Variants in EFNA2 observed in about 807,000 individuals in gnomAD.
The protein encoded by EFNA2 is ephrin-A2.
EFNA2 carries 18 observed loss-of-function variants against 19.7 expected under a neutral mutation model. That is an observed-to-expected ratio of 0.91 (90% CI 0.63 to 1.35). EFNA2 has a LOEUF of 1.35. Among genes scored for constraint, EFNA2 ranks in the 40% most tolerant of loss-of-function variants. EFNA2 has a pLI of 0.00. For synonymous variants in EFNA2, 187 were observed against 137.8 expected, an observed-to-expected ratio of 1.36 and a Z score of -2.50; for missense variants, 303 against 296.0, an observed-to-expected ratio of 1.02 and a Z score of -0.17.
chr19:1,299,915 C>T lies in EFNA2; in HGVS notation c.612C>T (p.Ile204=), dbSNP rs1357279882. 2.5e-6 allele frequency: 4 copies of T among 1,604,748 alleles called. No homozygotes were observed. Among genetic ancestry groups the T allele is most frequent in the Non-Finnish European group, 3.4e-6 (4 of 1,179,044 alleles). The change falls in exon 4 of 4, where the codon ATC becomes ATT. Residue 204 remains isoleucine (I), a synonymous_variant. Transcript: ENST00000215368. ...GCTGCCGCCTCTTCCTCAGCACCAT[C>T]CCCGTGCTCTGGACCCTCCTGGGTT... is the stretch of plus-strand genomic sequence containing the variant. ...PGGCRLFLST[I]PVLWTLLGS
At position 1,300,528 on chromosome 19, in the gene EFNA2, G is replaced by A. The variant is rs1464669268; in HGVS notation, c.*583G>A. Among the ~76,000 whole-genome samples, 1 of 151,514 alleles carries A rather than the reference G, an allele frequency of 6.6e-6. No individual in the cohort carries two copies. Among genetic ancestry groups the A allele is most frequent in the Non-Finnish European group, 1.5e-5 (1 of 67,770 alleles). On this transcript the variant is annotated 3_prime_UTR_variant, in exon 4 of 4. Transcript: ENST00000215368. ...TCTGCTCTGCACCCCACTCGTGGGG[G>A]AACACAGCCGCTCCCCTCTGCTCTG...
At chr19:1,298,053 CAA>C (rs67407355) in intron 2 of EFNA2, among the ~76,000 whole-genome samples, 13,069 of 104,406 alleles carry the variant, frequency 0.13, 732 homozygotes, top group Middle Eastern at 0.32. Flanking sequence ...GCCTGGGCGA[CAA>C]GAGCAAAGCT....
rs1339589262 is a variant in EFNA2, at chr19:1,295,240, G to A, written c.141-305G>A. On this transcript the variant is annotated intron_variant, in intron 1 of 3. Transcript: ENST00000215368. This position sits in a 1 kb window ranked among gnomAD's most constrained non-coding sequence, Gnocchi z 5.8. ...TGACCCCTCCCCCATTCCCCGGCCT[G>A]ACTTCCCCGTGCACCTGTCCCCTGA... Among the ~76,000 whole-genome samples, 1 of 151,816 alleles carries A rather than the reference G, an allele frequency of 6.6e-6. No individual in the cohort carries two copies. The highest frequency in any genetic ancestry group is 2.4e-5 in the African/African-American group (1 of 41,266).
intron 1 of EFNA2, among the ~76,000 whole-genome samples, chr19:1,291,007 T>C (rs1043604913): frequency 3.2e-4 from 49 of 152,180 alleles, no homozygotes; most frequent in African/African-American, 1.2e-3. Context: ...CTTGTCCACC[T>C]GCCCTGTGGG....
chr19:1,298,677 A>G (rs1788938658), intron 3 of EFNA2, 61 bp downstream of exon 3: 16 of 1,580,902 alleles, frequency 1.0e-5, no homozygotes, highest in Admixed American at 8.6e-5. Flanking sequence ...AAACCCACAG[A>G]ACCAGTGAGT....
rs979132301 is a variant in EFNA2 at position 1,286,613 on chromosome 19, A to T, written c.140+305A>T. Among the ~76,000 whole-genome samples the T allele has an allele frequency of 6.6e-6, 1 of 152,032 alleles. No homozygotes were observed. The highest frequency in any genetic ancestry group is 1.5e-5 in the Non-Finnish European group (1 of 67,968). On this transcript the variant is annotated intron_variant, in intron 1 of 3. Coordinates refer to ENST00000215368, the MANE Select transcript of EFNA2 (RefSeq NM_001405.4). The surrounding 1 kb of genome is among the most constrained non-coding windows in gnomAD (Gnocchi z 5.6). Reference sequence around the variant, plus strand: ...TGGGGAACCCCTCTGGTACCCTCCGATGCCGGGTAGCCCCTGAGTTGCCTG... The same window carrying T: ...TGGGGAACCCCTCTGGTACCCTCCGTTGCCGGGTAGCCCCTGAGTTGCCTG...
rs1335204985 is a variant in EFNA2 at position 1,287,290 on chromosome 19, G to T, written c.140+982G>T. On this transcript the variant is annotated intron_variant, in intron 1 of 3. Transcript: ENST00000215368. The surrounding 1 kb of genome is among the most constrained non-coding windows in gnomAD (Gnocchi z 6.2). ...TCCCGTGGGAGCCGGGGCTTTGGGG[G>T]TCCTGGGGCTCGGGAGGGAGTCAGC... 2.6e-5 allele frequency among the ~76,000 whole-genome samples: 4 copies of T among 152,198 alleles called. No individual in the cohort carries two copies. Among genetic ancestry groups the T allele is most frequent in the Admixed American group, 6.5e-5 (1 of 15,284 alleles).
intron 1 of EFNA2, among the ~76,000 whole-genome samples, chr19:1,289,832 C>T (rs554416803): frequency 2.6e-5 from 4 of 152,200 alleles, no homozygotes; most frequent in African/African-American, 9.6e-5. Flanking sequence ...CCCGTGGCTC[C>T]GCTGGCGTCC....
In EFNA2 at chr19:1,296,093, G is replaced by T. The variant is rs1337924530; in HGVS notation, c.454+235G>T. Among the ~76,000 whole-genome samples, 5 of 152,316 alleles carry T rather than the reference G, an allele frequency of 3.3e-5. No individual in the cohort carries two copies. The South Asian group carries it at 1.0e-3, about 32-fold the overall frequency. On this transcript the variant is annotated intron_variant, in intron 2 of 3. Transcript: ENST00000215368. This position sits in a 1 kb window ranked among gnomAD's most constrained non-coding sequence, Gnocchi z 4.4. ...CCGGTGCTGGCCACTGACCCACCCC[G>T]GTCACTGACCCCCTCCAGATGTCAA...
At chr19:1,298,447 T>C in intron 2 of EFNA2, 104 bp from the exon 3 acceptor site, 1 of 1,172,920 alleles carries the variant, frequency 8.5e-7, no homozygotes, top group Admixed American at 2.0e-5. Context: ...GCTCTCCACC[T>C]GGGGTCAGGG....
intron 1 of EFNA2, among the ~76,000 whole-genome samples, chr19:1,289,577 T>C (rs1377077228): frequency 6.6e-6 from 1 of 151,990 alleles, no homozygotes; most frequent in African/African-American, 2.4e-5. Context: ...TCCCCGGGAG[T>C]CCCCACCTTC....
intron 1 of EFNA2, among the ~76,000 whole-genome samples, chr19:1,293,253 TTGGGC>T (rs2081499460): frequency 6.6e-6 from 1 of 152,210 alleles, no homozygotes; most frequent in Non-Finnish European, 1.5e-5. Context: ...GGGCTTTCAC[TTGGGC>T]TGGGCAGGAA....
chr19:1,301,276 G>T lies in EFNA2; in HGVS notation c.*1331G>T, dbSNP rs1372780276. Among the ~76,000 whole-genome samples the T allele has an allele frequency of 1.4e-5, 2 of 147,622 alleles. No individual in the cohort carries two copies. Among genetic ancestry groups the T allele is most frequent in the African/African-American group, 5.0e-5 (2 of 40,192 alleles). ...GCCGCCGGCCGGCGGCTCGAGGCAC[G>T]CCCGGTGGTGGGGGGTGGGCAGAGG... is the stretch of plus-strand genomic sequence containing the variant. On this transcript the variant is annotated 3_prime_UTR_variant, in exon 4 of 4. Coordinates refer to ENST00000215368, the MANE Select transcript of EFNA2 (RefSeq NM_001405.4).
chr19:1,294,726 A>G lies in EFNA2; in HGVS notation c.141-819A>G, dbSNP rs969299101. ...TGAGAGGAGGGTGGAGGGATTCTTC[A>G]CGCCAAGCTCCGTTCTCTTTGGGGA... On this transcript the variant is annotated intron_variant, in intron 1 of 3. Coordinates refer to ENST00000215368, the MANE Select transcript of EFNA2 (RefSeq NM_001405.4). This position sits in a 1 kb window ranked among gnomAD's most constrained non-coding sequence, Gnocchi z 5.8. Among the ~76,000 whole-genome samples, 8 of 151,648 alleles carry G rather than the reference A, an allele frequency of 5.3e-5. No homozygotes were observed. Among genetic ancestry groups the G allele is most frequent in the African/African-American group, 1.9e-4 (8 of 41,222 alleles).
Position 1,295,723 on chromosome 19 carries a change from C to G in EFNA2, c.319C>G (p.Arg107Gly), listed in dbSNP as rs774914157. The G allele has an allele frequency of 2.5e-6, 4 of 1,608,594 alleles. No individual in the cohort carries two copies. The Admixed American group carries it at 6.7e-5, about 27-fold the overall frequency. The part of the protein sequence containing the change: ...EGHASCDHRQ[R>G]GFKRWECNRP... ...CCACGCCTCCTGCGACCACCGCCAG[C>G]GCGGCTTCAAGCGCTGGGAGTGCAA... Residue 107 changes from arginine to glycine, a missense_variant, in exon 2 of 4, where the codon CGC (arginine) becomes GGC (glycine). By Grantham distance (125) the Arg-to-Gly change is moderately radical. Transcript: ENST00000215368. This position sits in a 1 kb window ranked among gnomAD's most constrained non-coding sequence, Gnocchi z 5.8.
In EFNA2 at chr19:1,286,402, C is replaced by A. The variant is rs954890882; in HGVS notation, c.140+94C>A. The A allele has an allele frequency of 3.6e-5, 18 of 506,332 alleles. No homozygotes were observed. Among genetic ancestry groups the A allele is most frequent in the Admixed American group, 6.5e-5 (1 of 15,346 alleles). 31.4% of individuals were successfully genotyped at this position (506,332 alleles called of 1,614,324 possible). ...CGCCCCCGGAGCTCCGGGCGCCCCC[C>A]ACGCGCGCGCCGCCGCCGGGATGCG... On this transcript the variant is annotated intron_variant, in intron 1 of 3. Coordinates refer to ENST00000215368, the MANE Select transcript of EFNA2 (RefSeq NM_001405.4). This position sits in a 1 kb window ranked among gnomAD's most constrained non-coding sequence, Gnocchi z 5.6.
In EFNA2 at chr19:1,286,071, T is replaced by TCCGC. The variant is rs933277076; in HGVS notation, c.-89_-86dup. The TCCGC allele has an allele frequency of 7.7e-4, 217 of 283,584 alleles. No individual in the cohort carries two copies. The highest frequency in any genetic ancestry group is 8.8e-4 in the Admixed American group (13 of 14,736). 17.6% of individuals were successfully genotyped at this position (283,584 alleles called of 1,614,324 possible). On this transcript the variant is annotated 5_prime_UTR_variant, in exon 1 of 4. Transcript: ENST00000215368. This position sits in a 1 kb window ranked among gnomAD's most constrained non-coding sequence, Gnocchi z 5.6. ...CGCCGCGCCCTCCTCCCGCCCGCCC[T>TCCGC]CCGCCCGCCCGCTCGGCGGCGGCGG... is the stretch of plus-strand genomic sequence containing the variant.
In EFNA2 at chr19:1,286,221, TGCC is replaced by T. The variant is rs1260388011; in HGVS notation, c.63_65del (p.Pro22del). 15 of 1,113,306 alleles carry T rather than the reference TGCC, an allele frequency of 1.3e-5. No individual in the cohort carries two copies. The highest frequency in any genetic ancestry group is 8.2e-5 in the South Asian group (4 of 48,928). 69.0% of individuals were successfully genotyped at this position (1,113,306 alleles called of 1,614,324 possible). A position where few individuals can be genotyped will look rare whatever the true frequency, so the allele number is the denominator to read the frequency against. On this transcript the variant is annotated inframe_deletion, in exon 1 of 4. Coordinates refer to ENST00000215368, the MANE Select transcript of EFNA2 (RefSeq NM_001405.4). The surrounding 1 kb of genome is among the most constrained non-coding windows in gnomAD (Gnocchi z 5.6). ...CCGCTGCTGCTCCTGCTGTTACCGC[TGCC>T]GCCGCCGCCCTTCGCGCGCGCCGAG...
rs984602578 is a variant in EFNA2 at position 1,296,102 on chromosome 19, C to T, written c.454+244C>T. The stretch of plus-strand genomic sequence containing the variant: ...GCCACTGACCCACCCCGGTCACTGA[C>T]CCCCTCCAGATGTCAAGTGCATGAT... On this transcript the variant is annotated intron_variant, in intron 2 of 3. Coordinates refer to ENST00000215368, the MANE Select transcript of EFNA2 (RefSeq NM_001405.4). This position sits in a 1 kb window ranked among gnomAD's most constrained non-coding sequence, Gnocchi z 4.4. Among the ~76,000 whole-genome samples, 1 of 152,238 alleles carries T rather than the reference C, an allele frequency of 6.6e-6. No homozygotes were observed. The highest frequency in any genetic ancestry group is 2.4e-5 in the African/African-American group (1 of 41,470).
Sources: gnomAD v4.1 joint callset for allele counts (sites outside exome capture counted in the v4.1 genomes callset) on GRCh38, gnomAD v4.1.1 for gene constraint, Gnocchi (gnomAD v3.1) non-coding constraint, MANE v1.5 for transcripts, NCBI Gene and HGNC (gene_info 2026-07-23, HGNC 2026-07-21) for gene names.